Variants in FEZF1 observed in about 807,000 individuals in gnomAD.
FEZF1 encodes the protein fez family zinc finger protein 1.
A neutral mutation model predicts 32.4 loss-of-function variants in FEZF1; 8 were observed. That is an observed-to-expected ratio of 0.25 (90% CI 0.15 to 0.45). The LOEUF (loss-of-function observed/expected upper bound fraction) is 0.45, where lower values mean the gene tolerates loss of function less well. Among genes scored for constraint, FEZF1 ranks in the 20% least tolerant of loss-of-function variants. The pLI, the probability that FEZF1 is intolerant of heterozygous loss-of-function variation, is 1.00. For missense variants in FEZF1, 546 were observed against 622.3 expected, an observed-to-expected ratio of 0.88 and a Z score of 1.31; for synonymous variants, 259 against 265.2, an observed-to-expected ratio of 0.98 and a Z score of 0.23.
intron 1 of FEZF1, 59 bp downstream of exon 1, chr7:122,303,575 AGGG>A: frequency 1.1e-6 from 1 of 937,132 alleles, no homozygotes; most frequent in Non-Finnish European, 1.6e-6. Context: ...GGAGGGAGGG[AGGG>A]AAGGAAGGAA....
In FEZF1 at chr7:122,302,044, G is replaced by A; in HGVS notation, c.1381C>T (p.Pro461Ser). The change falls in exon 4 of 4, where the codon CCA becomes TCA. Residue 461 changes from proline (P) to serine (S), a missense_variant. Physicochemically the swap from Pro to Ser is moderately conservative, Grantham distance 74. Coordinates refer to ENST00000442488, the MANE Select transcript of FEZF1 (RefSeq NM_001024613.4). This position sits in a 1 kb window ranked among gnomAD's most constrained non-coding sequence, Gnocchi z 4.4. ...CCGGGCTGCAGGGGCCCCGGGGTTG[G>A]CAGCGGCGGCTGCAGAGGAGGCAGC... is the stretch of plus-strand genomic sequence containing the variant. ...MTLPPLQPPL[P>S]TPGPLQPGLH... The A allele has an allele frequency of 1.2e-6, 2 of 1,602,346 alleles. No individual in the cohort carries two copies. Among genetic ancestry groups the A allele is most frequent in the Non-Finnish European group, 8.5e-7 (1 of 1,178,366 alleles).
Position 122,304,457 on chromosome 7 carries a change from G to T in FEZF1, c.-20C>A, listed in dbSNP as rs1053061865. 6.5e-7 allele frequency: 1 copy of T among 1,536,766 alleles called. No homozygotes were observed. Among genetic ancestry groups the T allele is most frequent in the African/African-American group, 1.4e-5 (1 of 72,554 alleles). Reference sequence around the variant, plus strand: ...GTCCATGTCTGAGTCGCCAGCGTCCGTCAGCCGGGGCTGGGTTGCGCCGTC... The same window carrying T: ...GTCCATGTCTGAGTCGCCAGCGTCCTTCAGCCGGGGCTGGGTTGCGCCGTC... On this transcript the variant is annotated 5_prime_UTR_variant, in exon 1 of 4. Coordinates refer to ENST00000442488, the MANE Select transcript of FEZF1 (RefSeq NM_001024613.4).
intron 1 of FEZF1, 117 bp downstream of exon 1, chr7:122,303,520 A>AGGAGGGAAGGAAGGAG (rs1402966335): frequency 3.6e-5 from 18 of 500,102 alleles, no homozygotes; most frequent in Admixed American, 1.1e-4. Flanking sequence ...GAAGGAAGGA[A>AGGAGGGAAGGAAGGAG]GGAAGGAAGG....
chr7:122,305,765 G>T (rs899791399), upstream of FEZF1: 1 of 152,274 alleles, frequency 6.6e-6, no homozygotes, highest in Non-Finnish European at 1.5e-5. Context: ...CAGCGCAGGC[G>T]GCAGCCTGGA....
chr7:122,303,362 A>C (rs1490594521), intron 1 of FEZF1, 51 bp from the exon 2 acceptor site: 1 of 1,608,148 alleles, frequency 6.2e-7, no homozygotes, highest in Non-Finnish European at 8.5e-7. Flanking sequence ...TAACTTTGAA[A>C]TCAAACCGGG....
At chr7:122,309,150 CGTTAGCAAACATATTGGCAACAA>C (rs1212673694), upstream of FEZF1, among the ~76,000 whole-genome samples, 3 of 152,158 alleles carry the variant, frequency 2.0e-5, no homozygotes, top group Non-Finnish European at 4.4e-5. Context: ...CTTTCCAACA[CGTTAGCAAACATATTGGCAACAA>C]GTTCAAATTT....
Position 122,302,488 on chromosome 7 carries a change from T to A in FEZF1, c.1070-133A>T. The A allele has an allele frequency of 6.7e-6, 9 of 1,343,574 alleles. No individual in the cohort carries two copies. Among genetic ancestry groups the A allele is most frequent in the Non-Finnish European group, 9.1e-6 (9 of 988,684 alleles). The allele number at this position is 1,343,574 out of a possible 1,614,324, so 83.2% of individuals were successfully genotyped here. A position where few individuals can be genotyped will look rare whatever the true frequency, so the allele number is the denominator to read the frequency against. ...GGTCCCACAACAAGTGCAGGGCTACTATCTGTGCCTGCACTTGTCTCCCCA... is the reference window on the plus strand; with the variant it reads ...GGTCCCACAACAAGTGCAGGGCTACAATCTGTGCCTGCACTTGTCTCCCCA... On this transcript the variant is annotated intron_variant, in intron 3 of 3. Transcript: ENST00000442488. This position sits in a 1 kb window ranked among gnomAD's most constrained non-coding sequence, Gnocchi z 4.4.
At chr7:122,310,000 C>T (rs555483895) in intron 1 of FEZF1, 2 of 152,326 alleles carry the variant, frequency 1.3e-5, no homozygotes, top group East Asian at 1.9e-4. Flanking sequence ...ACACTACCCA[C>T]GAAGTTTAAA....
rs1300690231 is a variant in FEZF1, at chr7:122,301,982, G to A, written c.*15C>T. 1 of 1,563,316 alleles carries A rather than the reference G, an allele frequency of 6.4e-7. No homozygotes were observed. The highest frequency in any genetic ancestry group is 8.6e-7 in the Non-Finnish European group (1 of 1,167,174). On this transcript the variant is annotated 3_prime_UTR_variant, in exon 4 of 4. Coordinates refer to ENST00000442488, the MANE Select transcript of FEZF1 (RefSeq NM_001024613.4). ...GTGGGGGCACGGCTGAGGCTGGGAG[G>A]ACCCTTAGCCTCGATCACTGGTGGC...
intron 2 of FEZF1, 52 bp downstream of exon 2, chr7:122,303,125 T>TC: frequency 6.2e-7 from 1 of 1,612,184 alleles, no homozygotes; most frequent in Admixed American, 1.7e-5. Context: ...CGGCTGTTTT[T>TC]CTGCAAACAG....
At chr7:122,307,820 C>G (rs1162841269), upstream of FEZF1, among the ~76,000 whole-genome samples, 1 of 152,196 alleles carries the variant, frequency 6.6e-6, no homozygotes, top group East Asian at 1.9e-4. Context: ...GCCTTGATAT[C>G]CAACATTTGT....
chr7:122,307,694 C>T (rs183695766), upstream of FEZF1, among the ~76,000 whole-genome samples: 51 of 152,358 alleles, frequency 3.3e-4, no homozygotes, highest in Middle Eastern at 3.4e-3. Context: ...GCCCTTTTGG[C>T]AAGTGTTTGA....
At chr7:122,310,371 C>G (rs2031389530) in exon 1 of FEZF1, 1 of 152,238 alleles carries the variant, frequency 6.6e-6, no homozygotes, top group Non-Finnish European at 1.5e-5. Flanking sequence ...GATTCGGTGG[C>G]CAGCGCAGAG....
rs1223542832 is a variant in FEZF1 at position 122,304,556 on chromosome 7, C to T, written c.-119G>A. On this transcript the variant is annotated 5_prime_UTR_variant, in exon 1 of 4. Transcript: ENST00000442488. ...CACCATCACCACCAGTAGCCTCCTC[C>T]TCCTCCTCCTCCCCAGCATCACCAG... 2 of 731,978 alleles carry T rather than the reference C, an allele frequency of 2.7e-6. No individual in the cohort carries two copies. Among genetic ancestry groups the T allele is most frequent in the East Asian group, 6.0e-5 (2 of 33,286 alleles). 45.3% of individuals were successfully genotyped at this position (731,978 alleles called of 1,614,324 possible). A position where few individuals can be genotyped will look rare whatever the true frequency, so the allele number is the denominator to read the frequency against.
In FEZF1 at chr7:122,303,935, C is replaced by A. The variant is rs761248281; in HGVS notation, c.503G>T (p.Gly168Val). Residue 168 changes from glycine to valine, a missense_variant, in exon 1 of 4, where the codon GGC (glycine) becomes GTC (valine). Gly to Val is a moderately radical substitution (Grantham distance 109). Coordinates refer to ENST00000442488, the MANE Select transcript of FEZF1 (RefSeq NM_001024613.4). ...GALCYLNRGD[G>V]PCHPAAGVNI... Reference sequence around the variant, plus strand: ...CACGCCGGCTGCCGGGTGGCATGGGCCGTCACCTCGGTTCAGGTAGCACAA... The same window carrying A: ...CACGCCGGCTGCCGGGTGGCATGGGACGTCACCTCGGTTCAGGTAGCACAA... 1.3e-5 allele frequency: 21 copies of A among 1,609,152 alleles called. No homozygotes were observed. The Admixed American group carries it at 3.0e-4, about 23-fold the overall frequency.
Position 122,302,707 on chromosome 7 carries a change from C to A in FEZF1, c.1069+92G>T. 1 of 1,410,306 alleles carries A rather than the reference C, an allele frequency of 7.1e-7. No individual in the cohort carries two copies. The highest frequency in any genetic ancestry group is 1.2e-5 in the South Asian group (1 of 82,338). The allele number at this position is 1,410,306 out of a possible 1,614,324, so 87.4% of individuals were successfully genotyped here. On this transcript the variant is annotated intron_variant, in intron 3 of 3. Transcript: ENST00000442488. The surrounding 1 kb of genome is among the most constrained non-coding windows in gnomAD (Gnocchi z 4.4). ...TGGCAACAAAAGTGCCACATAACTA[C>A]ACTTTAAACATCGTCTTCTAAAACA...
At chr7:122,305,928 G>T (rs1451133943), upstream of FEZF1, 2 of 152,348 alleles carry the variant, frequency 1.3e-5, no homozygotes, top group South Asian at 4.1e-4. Flanking sequence ...AACTCCTGGG[G>T]CGGCGCGGTG....
At position 122,302,781 on chromosome 7, in the gene FEZF1, ATTTCCTGG is replaced by A; in HGVS notation, c.1069+10_1069+17del. On this transcript the variant is annotated intron_variant, in intron 3 of 3. Coordinates refer to ENST00000442488, the MANE Select transcript of FEZF1 (RefSeq NM_001024613.4). This position sits in a 1 kb window ranked among gnomAD's most constrained non-coding sequence, Gnocchi z 4.4. ...TTTCATAAGACTAACCATGAGAGAC[ATTTCCTGG>A]TTTGCATACCTTTTTGATGAAACCC... The A allele has an allele frequency of 6.2e-7, 1 of 1,612,118 alleles. No homozygotes were observed. The highest frequency in any genetic ancestry group is 2.2e-5 in the East Asian group (1 of 44,820).
chr7:122,306,135 G>A (rs2031273940), upstream of FEZF1: 2 of 152,582 alleles, frequency 1.3e-5, no homozygotes, highest in African/African-American at 4.8e-5. Context: ...CACAGAGTTT[G>A]AAGACACGGC....
Sources: allele counts gnomAD v4.1 joint callset (sites outside exome capture counted in the v4.1 genomes callset), GRCh38; gene constraint gnomAD v4.1.1; non-coding constraint Gnocchi (gnomAD v3.1); transcripts MANE v1.5; gene names NCBI Gene and HGNC (gene_info 2026-07-23, HGNC 2026-07-21).